PCDHGA1: variants seen among roughly 807,000 people sequenced by gnomAD.
PCDHGA1 encodes the protein protocadherin gamma subfamily A, 1, also known as protocadherin gamma-A1.
PCDHGA1 carries 32 observed loss-of-function variants against 58.0 expected under a neutral mutation model. The observed-to-expected ratio is 0.55, with a 90% CI of 0.42 to 0.74. The LOEUF (loss-of-function observed/expected upper bound fraction) is 0.74. Ranked by LOEUF, PCDHGA1 falls within the 30% of genes least tolerant of loss-of-function variation. The pLI, the probability that PCDHGA1 is intolerant of heterozygous loss-of-function variation, is 0.00. For missense variants in PCDHGA1, 1,205 were observed against 1,182.3 expected (o/e 1.02, Z -0.28); for synonymous variants, 498 against 501.1 (o/e 0.99, Z 0.08).
At chr5:141,371,260 G>C in intron 1 of PCDHGA1, 1 of 1,614,034 alleles carries the variant, frequency 6.2e-7, no homozygotes, top group Non-Finnish European at 8.5e-7. Flanking sequence ...AAGGAAGTGA[G>C]ACAACTGTTC....
intron 1 of PCDHGA1, chr5:141,365,077 G>T (rs1048742374): frequency 6.2e-6 from 10 of 1,613,724 alleles, no homozygotes; most frequent in Non-Finnish European, 8.5e-6. Context: ...AGTACAGCGT[G>T]AGTGTTCCAG....
intron 1 of PCDHGA1, among the ~76,000 whole-genome samples, chr5:141,481,790 A>C (rs2154579313): frequency 6.6e-6 from 1 of 152,222 alleles, no homozygotes; most frequent in East Asian, 1.9e-4. Flanking sequence ...CGTCTCTACT[A>C]AAAATACAAA....
chr5:141,474,417 C>A (rs1321402346), intron 1 of PCDHGA1, among the ~76,000 whole-genome samples: 1 of 152,222 alleles, frequency 6.6e-6, no homozygotes, highest in African/African-American at 2.4e-5. Context: ...GATGCCTAGA[C>A]CATTGGTCCT....
intron 1 of PCDHGA1, chr5:141,413,223 G>C (rs1454395834): frequency 6.2e-7 from 1 of 1,613,694 alleles, no homozygotes; most frequent in African/African-American, 1.3e-5. Flanking sequence ...ATTGCAGCGG[G>C]CTGGTCCTGC....
intron 1 of PCDHGA1, chr5:141,399,149 C>A: frequency 6.2e-7 from 1 of 1,613,772 alleles, no homozygotes; most frequent in Non-Finnish European, 8.5e-7. Flanking sequence ...GACAATAGCC[C>A]AGAAGTTACA....
chr5:141,489,641 C>T lies in PCDHGA1; in HGVS notation c.2422-5166C>T, dbSNP rs1356716387. On this transcript the variant is annotated intron_variant, in intron 1 of 3. Coordinates refer to ENST00000517417, the MANE Select transcript of PCDHGA1 (RefSeq NM_018912.3). This position sits in a 1 kb window ranked among gnomAD's most constrained non-coding sequence, Gnocchi z 4.5. The stretch of plus-strand genomic sequence containing the variant: ...CTCAATGACAACTCTCCTAGCTTTG[C>T]CACCCCTGAGCGAGAGATGCGCATC... The T allele has an allele frequency of 2.5e-6, 4 of 1,614,008 alleles. No individual in the cohort carries two copies. The highest frequency in any genetic ancestry group is 3.4e-6 in the Non-Finnish European group (4 of 1,180,012).
chr5:141,388,941 C>G, intron 1 of PCDHGA1: 1 of 1,613,962 alleles, frequency 6.2e-7, no homozygotes, highest in South Asian at 1.1e-5. Context: ...TCTACCCAAC[C>G]TAATTATGGA....
At chr5:141,361,204 C>T (rs977758534) in intron 1 of PCDHGA1, 9 of 1,613,832 alleles carry the variant, frequency 5.6e-6, no homozygotes, top group Non-Finnish European at 7.6e-6. Flanking sequence ...TACTCCCCTA[C>T]CGGAGGATTC....
At chr5:141,503,089 G>C (rs1352372525) in intron 2 of PCDHGA1, among the ~76,000 whole-genome samples, 2 of 151,590 alleles carry the variant, frequency 1.3e-5, no homozygotes, top group Non-Finnish European at 2.9e-5. Context: ...TCCTGACCTC[G>C]TGGTCTGCCC....
chr5:141,492,723 C>T (rs896613323), intron 1 of PCDHGA1, among the ~76,000 whole-genome samples: 2 of 152,268 alleles, frequency 1.3e-5, no homozygotes, highest in African/African-American at 4.8e-5. Flanking sequence ...GGCGGACAGG[C>T]AGAGCTGCCC....
rs2099748976 is a variant in PCDHGA1, at chr5:141,493,566, C to G, written c.2422-1241C>G. Among the ~76,000 whole-genome samples, 1 of 152,168 alleles carries G rather than the reference C, an allele frequency of 6.6e-6. No individual in the cohort carries two copies. Among genetic ancestry groups the G allele is most frequent in the African/African-American group, 2.4e-5 (1 of 41,436 alleles). ...TTTTGGAGATTGAGTTCCCCCAGCT[C>G]CGTTTCCTCCTATCACAATCACTGC... is the stretch of plus-strand genomic sequence containing the variant. On this transcript the variant is annotated intron_variant, in intron 1 of 3. Transcript: ENST00000517417. The surrounding 1 kb of genome is among the most constrained non-coding windows in gnomAD (Gnocchi z 4.3).
In PCDHGA1 at chr5:141,371,800, C is replaced by T. The variant is rs770172046; in HGVS notation, c.2421+38695C>T. On this transcript the variant is annotated intron_variant, in intron 1 of 3. Transcript: ENST00000517417. ...GTAGCTGAGAACAATCCGCCTGGAGCCTCCATTGCGCATGTCAGAGCCTCG... is the reference window on the plus strand; with the variant it reads ...GTAGCTGAGAACAATCCGCCTGGAGTCTCCATTGCGCATGTCAGAGCCTCG... 3.7e-6 allele frequency: 6 copies of T among 1,613,760 alleles called. No individual in the cohort carries two copies. In the Admixed American group the frequency reaches 1.0e-4, roughly 27 times the overall value.
At chr5:141,447,773 T>C (rs2098551408) in intron 1 of PCDHGA1, among the ~76,000 whole-genome samples, 1 of 152,202 alleles carries the variant, frequency 6.6e-6, no homozygotes, top group African/African-American at 2.4e-5. Context: ...AATTATACTT[T>C]AATTGAAAAT....
In PCDHGA1 at chr5:141,494,886, C is replaced by T. The variant is rs1212594477; in HGVS notation, c.2480+21C>T. ...AGCGGGTAGGTGACTGATTCTCCAG[C>T]CCACCCTCTTCTCTGCGGCATTTTC... On this transcript the variant is annotated intron_variant, in intron 2 of 3. Coordinates refer to ENST00000517417, the MANE Select transcript of PCDHGA1 (RefSeq NM_018912.3). 8 of 1,614,010 alleles carry T rather than the reference C, an allele frequency of 5.0e-6. No homozygotes were observed. The Admixed American group carries it at 8.3e-5, about 17-fold the overall frequency.
intron 1 of PCDHGA1, chr5:141,382,771 A>G: frequency 1.3e-6 from 1 of 753,180 alleles, no homozygotes; most frequent in Non-Finnish European, 2.1e-6. Flanking sequence ...TCCAGGCTGC[A>G]CTAAACTCAA....
intron 1 of PCDHGA1, chr5:141,409,549 C>T: frequency 6.2e-7 from 1 of 1,614,004 alleles, no homozygotes; most frequent in Non-Finnish European, 8.5e-7. Context: ...ACGACAACGC[C>T]CCAGTTTTCG....
In PCDHGA1 at chr5:141,354,118, A is replaced by G. The variant is rs141568645; in HGVS notation, c.2421+21013A>G. Among the ~76,000 whole-genome samples the G allele has an allele frequency of 7.0e-4, 106 of 152,356 alleles. No individual in the cohort carries two copies. In the East Asian group the frequency reaches 0.014, roughly 20 times the overall value. Reference sequence around the variant, plus strand: ...ATTTCTAAAATGAGAGCTAAAGTAAAGTTAGAAATTGTAAAATAATACTGA... The same window carrying G: ...ATTTCTAAAATGAGAGCTAAAGTAAGGTTAGAAATTGTAAAATAATACTGA... On this transcript the variant is annotated intron_variant, in intron 1 of 3. Transcript: ENST00000517417.
intron 1 of PCDHGA1, among the ~76,000 whole-genome samples, chr5:141,454,261 A>T (rs183133499): frequency 1.3e-5 from 2 of 152,364 alleles, no homozygotes; most frequent in South Asian, 2.1e-4. Flanking sequence ...CAGAGAAAGT[A>T]ATGCCAGCAA....
chr5:141,352,709 G>A (rs768287553), intron 1 of PCDHGA1: 3 of 1,543,562 alleles, frequency 1.9e-6, no homozygotes, highest in African/African-American at 1.4e-5. Flanking sequence ...ATATATGGCG[G>A]CCGGGCGCGG....
Sources: allele counts gnomAD v4.1 joint callset (sites outside exome capture counted in the v4.1 genomes callset), GRCh38; gene constraint gnomAD v4.1.1; non-coding constraint Gnocchi (gnomAD v3.1); transcripts MANE v1.5; gene names NCBI Gene and HGNC (gene_info 2026-07-23, HGNC 2026-07-21).